The following TTLL5 variants were observed in gnomAD, a reference collection of about 807,000 sequenced individuals.
TTLL5 encodes tubulin tyrosine ligase like 5, also known as tubulin polyglutamylase TTLL5.
Under a neutral mutation model 168.4 loss-of-function variants are expected in TTLL5, and 132 were observed. The observed-to-expected ratio is 0.78, with a 90% CI of 0.68 to 0.91. The LOEUF (loss-of-function observed/expected upper bound fraction) is 0.91. Among genes scored for constraint, TTLL5 ranks in the 40% least tolerant of loss-of-function variants. The pLI is 0.00. For missense variants in TTLL5, 1,545 were observed against 1,581.5 expected (o/e 0.98, Z 0.39); for synonymous variants, 546 against 558.6 (o/e 0.98, Z 0.32).
intron 28 of TTLL5, among the ~76,000 whole-genome samples, chr14:75,839,595 T>A (rs1230582816): frequency 2.6e-5 from 4 of 152,138 alleles, no homozygotes; most frequent in Non-Finnish European, 2.9e-5. Context: ...GCCAGATGCT[T>A]ACAAAACCAT....
chr14:75,771,526 C>T (rs1257961389), intron 20 of TTLL5, among the ~76,000 whole-genome samples: 1 of 152,114 alleles, frequency 6.6e-6, no homozygotes. Flanking sequence ...GATTCTCCAT[C>T]TCTGATTCTT....
intron 9 of TTLL5, among the ~76,000 whole-genome samples, chr14:75,713,463 A>G (rs190209595): frequency 6.6e-5 from 10 of 152,342 alleles, no homozygotes; most frequent in African/African-American, 9.6e-5. Flanking sequence ...AAATTGGCCT[A>G]TCAATGCATT....
At chr14:75,777,846 A>G (rs555573051) in intron 23 of TTLL5, among the ~76,000 whole-genome samples, 6 of 152,268 alleles carry the variant, frequency 3.9e-5, no homozygotes, top group Non-Finnish European at 7.4e-5. Flanking sequence ...GCAAACAAAT[A>G]TATCATTTTG....
At chr14:75,695,610 T>A (rs967639942) in intron 6 of TTLL5, among the ~76,000 whole-genome samples, 5 of 152,172 alleles carry the variant, frequency 3.3e-5, no homozygotes, top group African/African-American at 9.7e-5. Flanking sequence ...ACACCAGCTT[T>A]AAAATTTCTC....
intron 27 of TTLL5, among the ~76,000 whole-genome samples, chr14:75,819,175 A>G (rs1390714239): frequency 6.6e-6 from 1 of 152,242 alleles, no homozygotes; most frequent in African/African-American, 2.4e-5. Context: ...TATGATAGCC[A>G]CCTGTCATTA....
In TTLL5 at chr14:75,719,784, G is replaced by A. The variant is rs1307279534; in HGVS notation, c.892G>A (p.Ala298Thr). 18 of 1,613,948 alleles carry A rather than the reference G, an allele frequency of 1.1e-5. No homozygotes were observed. Among genetic ancestry groups the A allele is most frequent in the Non-Finnish European group, 1.5e-5 (18 of 1,179,894 alleles). ...TTATGGAAACAAATGGAGCATGAGT[G>A]CTATGCTTAGGTACCTGAAACAAGA... The part of the protein sequence containing the change: ...EDYGNKWSMS[A>T]MLRYLKQEGR... Residue 298 changes from alanine to threonine, a missense_variant, in exon 11 of 32, where the codon GCT (alanine) becomes ACT (threonine). Transcript: ENST00000298832.
At chr14:75,775,392 C>T (rs1211818583) in intron 21 of TTLL5, 92 bp from the exon 22 acceptor site, 2 of 1,390,718 alleles carry the variant, frequency 1.4e-6, no homozygotes, top group Non-Finnish European at 9.8e-7. Context: ...ATGTCTTCTT[C>T]CATCTCTGTT....
At chr14:75,786,579 T>C (rs987366900) in intron 26 of TTLL5, among the ~76,000 whole-genome samples, 44 of 152,162 alleles carry the variant, frequency 2.9e-4, no homozygotes, top group African/African-American at 1.0e-3. Context: ...AATATATAAT[T>C]GACAACAGCC....
At chr14:75,674,674 A>G (rs368906901) in intron 3 of TTLL5, among the ~76,000 whole-genome samples, 1 of 151,736 alleles carries the variant, frequency 6.6e-6, no homozygotes, top group African/African-American at 2.4e-5. Flanking sequence ...TTCAGCTTAA[A>G]GTAAACTTCT....
At chr14:75,727,816 A>G (rs753314953) in intron 12 of TTLL5, 1 of 501,352 alleles carries the variant, frequency 2.0e-6, no homozygotes, top group Non-Finnish European at 4.0e-6. Context: ...AAGCAAAACT[A>G]ATCTGTGATG....
chr14:75,702,539 G>T (rs1008220868), intron 7 of TTLL5, among the ~76,000 whole-genome samples: 4 of 152,050 alleles, frequency 2.6e-5, no homozygotes, highest in Middle Eastern at 3.4e-3. Flanking sequence ...ATGCTTTTTT[G>T]CCCTAGTGAT....
chr14:75,848,966 G>A (rs540566073), intron 28 of TTLL5, among the ~76,000 whole-genome samples: 5 of 152,320 alleles, frequency 3.3e-5, no homozygotes, highest in African/African-American at 1.2e-4. Flanking sequence ...TCATGGAGTG[G>A]TAGGGGTGTG....
intron 7 of TTLL5, among the ~76,000 whole-genome samples, chr14:75,702,851 A>AC (rs1348414448): frequency 6.6e-6 from 1 of 152,140 alleles, no homozygotes; most frequent in African/African-American, 2.4e-5. Flanking sequence ...GAAGTGCCAG[A>AC]CAGAAGCCTG....
At chr14:75,882,194 A>G (rs1020015364) in intron 29 of TTLL5, among the ~76,000 whole-genome samples, 2 of 152,080 alleles carry the variant, frequency 1.3e-5, no homozygotes, top group African/African-American at 4.8e-5. Context: ...ATTGCTCACC[A>G]TGCCTTAGCC....
At chr14:75,863,564 G>T in intron 28 of TTLL5, 103 bp from the exon 29 acceptor site, 1 of 1,123,896 alleles carries the variant, frequency 8.9e-7, no homozygotes. Context: ...TCCAAACTGT[G>T]CTTGGTTCCA....
At chr14:75,847,210 C>T (rs1005714312) in intron 28 of TTLL5, among the ~76,000 whole-genome samples, 1 of 151,966 alleles carries the variant, frequency 6.6e-6, no homozygotes, top group Non-Finnish European at 1.5e-5. Flanking sequence ...ACCATGTTGG[C>T]CAGTCTGGTC....
chr14:75,852,563 T>C (rs1896916810), intron 28 of TTLL5, among the ~76,000 whole-genome samples: 1 of 152,118 alleles, frequency 6.6e-6, no homozygotes, highest in Non-Finnish European at 1.5e-5. Context: ...ATACTTTAAC[T>C]CTTCCCATAG....
At position 75,772,128 on chromosome 14, in the gene TTLL5, T is replaced by C. The variant is rs375011939; in HGVS notation, c.2136+274T>C. 4.6e-5 allele frequency among the ~76,000 whole-genome samples: 7 copies of C among 152,358 alleles called. No homozygotes were observed. The South Asian group carries it at 1.0e-3, about 23-fold the overall frequency. On this transcript the variant is annotated intron_variant, in intron 21 of 31. Coordinates refer to ENST00000298832, the MANE Select transcript of TTLL5 (RefSeq NM_015072.5). The stretch of plus-strand genomic sequence containing the variant: ...ATGTATTTCATTTTGAATTGGAAAT[T>C]GATTTCTCATTGGACGTGAAGCCCT...
intron 26 of TTLL5, among the ~76,000 whole-genome samples, chr14:75,783,871 A>G (rs974844419): frequency 6.6e-6 from 1 of 152,198 alleles, no homozygotes; most frequent in African/African-American, 2.4e-5. Context: ...TCAAATAGTT[A>G]TTCCCAACAT....
Sources: allele counts gnomAD v4.1 joint callset (sites outside exome capture counted in the v4.1 genomes callset), GRCh38; gene constraint gnomAD v4.1.1; transcripts MANE v1.5; gene names NCBI Gene and HGNC (gene_info 2026-07-23, HGNC 2026-07-21).